The following TNRC6C variants were observed in gnomAD, a reference collection of about 807,000 sequenced individuals.
TNRC6C encodes the protein trinucleotide repeat containing adaptor 6C.
TNRC6C carries 20 observed loss-of-function variants against 153.7 expected under a neutral mutation model. The observed-to-expected ratio is 0.13, with a 90% CI of 0.09 to 0.19. The LOEUF (loss-of-function observed/expected upper bound fraction) is 0.19. Ranked by LOEUF, TNRC6C falls within the 10% of genes least tolerant of loss-of-function variation. The pLI is 1.00. For synonymous variants in TNRC6C, 811 were observed against 841.4 expected, an observed-to-expected ratio of 0.96 and a Z score of 0.63; for missense variants, 1,987 against 2,172.0, an observed-to-expected ratio of 0.91 and a Z score of 1.69.
At chr17:78,062,717 G>A (rs950263779) in intron 3 of TNRC6C, among the ~76,000 whole-genome samples, 1 of 152,126 alleles carries the variant, frequency 6.6e-6, no homozygotes, top group African/African-American at 2.4e-5. Context: ...AAGTGTGAAG[G>A]GCGTGGGGAA....
At chr17:77,995,171 G>A (rs1158785945) in intron 1 of TNRC6C, among the ~76,000 whole-genome samples, 4 of 152,224 alleles carry the variant, frequency 2.6e-5, no homozygotes, top group East Asian at 1.9e-4. Flanking sequence ...AGCCTGAGGT[G>A]GAACATCCAG....
chr17:78,034,870 G>A (rs2072148771), intron 2 of TNRC6C, among the ~76,000 whole-genome samples: 1 of 152,192 alleles, frequency 6.6e-6, no homozygotes. Context: ...TCAAGAGGCT[G>A]AGGTGGGACA....
intron 1 of TNRC6C, among the ~76,000 whole-genome samples, chr17:77,975,780 T>A (rs2070989499): frequency 6.6e-6 from 1 of 152,218 alleles, no homozygotes; most frequent in African/African-American, 2.4e-5. Context: ...TATACTTTTA[T>A]CATTACTTTA....
chr17:78,022,294 T>C (rs914197982), intron 1 of TNRC6C, among the ~76,000 whole-genome samples: 6 of 152,220 alleles, frequency 3.9e-5, no homozygotes. Context: ...TAAGATTGAC[T>C]ACACATAATG....
intron 1 of TNRC6C, among the ~76,000 whole-genome samples, chr17:77,970,729 A>G (rs1229144816): frequency 1.3e-5 from 2 of 152,164 alleles, no homozygotes; most frequent in Non-Finnish European, 2.9e-5. Context: ...GTGTGGCCCA[A>G]GACAATTCTT....
chr17:78,035,896 AAGTAATACATAG>A (rs1355206644), intron 2 of TNRC6C, among the ~76,000 whole-genome samples: 1 of 152,198 alleles, frequency 6.6e-6, no homozygotes, highest in Non-Finnish European at 1.5e-5. Context: ...ACTTTCTTAA[AAGTAATACATAG>A]ATTTTCATTG....
chr17:77,989,266 TC>T (rs1233018766), intron 1 of TNRC6C, among the ~76,000 whole-genome samples: 1 of 152,216 alleles, frequency 6.6e-6, no homozygotes, highest in Admixed American at 6.5e-5. Context: ...TGGACCTACT[TC>T]CATGCAAGTA....
intron 1 of TNRC6C, among the ~76,000 whole-genome samples, chr17:78,021,981 C>G (rs758461440): frequency 1.3e-5 from 2 of 152,186 alleles, no homozygotes; most frequent in Non-Finnish European, 2.9e-5. Context: ...TCTAATATTA[C>G]AAGTAGTTGG....
intron 1 of TNRC6C, among the ~76,000 whole-genome samples, chr17:78,014,347 A>G (rs778075464): frequency 6.6e-5 from 10 of 152,300 alleles, no homozygotes; most frequent in Admixed American, 2.0e-4. Context: ...GTTATGATCA[A>G]TGTTACATAT....
Position 78,087,075 on chromosome 17 carries a change from T to C in TNRC6C, c.3784T>C (p.Phe1262Leu), listed in dbSNP as rs748049870. 1 of 1,612,748 alleles carries C rather than the reference T, an allele frequency of 6.2e-7. No individual in the cohort carries two copies. Among genetic ancestry groups the C allele is most frequent in the Non-Finnish European group, 8.5e-7 (1 of 1,179,678 alleles). Residue 1262 changes from phenylalanine (F) to leucine (L), a missense_variant, in exon 13 of 20, where the codon TTT becomes CTT. Phe to Leu is a conservative substitution (Grantham distance 22). Transcript: ENST00000301624. Reference sequence around the variant, plus strand: ...AGAGCAGCAGTCTTCACCCAACACCTTTGCTCCTTACCCTCTCGGTGAGTG... The same window carrying C: ...AGAGCAGCAGTCTTCACCCAACACCCTTGCTCCTTACCCTCTCGGTGAGTG...
chr17:77,982,665 C>T (rs867759115), intron 1 of TNRC6C, among the ~76,000 whole-genome samples: 1 of 152,136 alleles, frequency 6.6e-6, no homozygotes, highest in Non-Finnish European at 1.5e-5. Context: ...AACCCCATCT[C>T]TACTAAAAAT....
chr17:78,041,189 T>G (rs2143854334), intron 2 of TNRC6C: 2 of 152,348 alleles, frequency 1.3e-5, no homozygotes, highest in South Asian at 4.1e-4. Flanking sequence ...AGTGGCTGCT[T>G]CTCGCCAGTC....
chr17:78,031,954 C>T, intron 2 of TNRC6C, 112 bp downstream of exon 4: 1 of 841,794 alleles, frequency 1.2e-6, no homozygotes, highest in Non-Finnish European at 1.6e-6. Context: ...ACAACATACA[C>T]AGAGACAGAC....
intron 1 of TNRC6C, among the ~76,000 whole-genome samples, chr17:77,986,552 A>G (rs2071172504): frequency 6.6e-6 from 1 of 152,230 alleles, no homozygotes; most frequent in Non-Finnish European, 1.5e-5. Context: ...CTAATTTTTA[A>G]AAAATGTATT....
chr17:78,105,641 G>T (rs2073680626), exon 20 of TNRC6C: 1 of 152,194 alleles, frequency 6.6e-6, no homozygotes, highest in Non-Finnish European at 1.5e-5. Flanking sequence ...AGAAGTGTGT[G>T]TGTGTGTGCA....
rs371862549 is a variant in TNRC6C, at chr17:78,049,475, G to A, written c.413G>A (p.Gly138Asp). The change falls in exon 3 of 20, where the codon GGC (glycine) becomes GAC (aspartate). Residue 138 changes from glycine to aspartate, a missense_variant. By Grantham distance (94) the Gly-to-Asp change is moderately conservative. Transcript: ENST00000301624. The surrounding 1 kb of genome is among the most constrained non-coding windows in gnomAD (Gnocchi z 4.1). The stretch of plus-strand genomic sequence containing the variant: ...GTCAGTGCCATAGGTCAAAATATGG[G>A]CAACCAGAACGGGAACCCAACAGGC... The A allele has an allele frequency of 4.3e-5, 69 of 1,614,022 alleles. No individual in the cohort carries two copies. The African/African-American group carries it at 4.7e-4, about 11-fold the overall frequency.
At chr17:78,063,099 A>C (rs2072801007) in intron 3 of TNRC6C, among the ~76,000 whole-genome samples, 1 of 151,964 alleles carries the variant, frequency 6.6e-6, no homozygotes. Flanking sequence ...TTCAAAAATT[A>C]GCCGAGCATG....
chr17:78,055,559 G>C (rs573576551), intron 3 of TNRC6C, among the ~76,000 whole-genome samples: 2 of 152,248 alleles, frequency 1.3e-5, no homozygotes, highest in African/African-American at 4.8e-5. Flanking sequence ...TATAATCTTA[G>C]GGGACCATTG....
intron 3 of TNRC6C, among the ~76,000 whole-genome samples, chr17:78,053,608 G>A (rs550170129): frequency 2.7e-5 from 4 of 150,472 alleles, no homozygotes; most frequent in South Asian, 2.1e-4. Flanking sequence ...CAGCCTGGGC[G>A]ACAGAGCGAA....
Sources: allele counts gnomAD v4.1 joint callset (sites outside exome capture counted in the v4.1 genomes callset), GRCh38; gene constraint gnomAD v4.1.1; non-coding constraint Gnocchi (gnomAD v3.1); transcripts MANE v1.5; gene names NCBI Gene and HGNC (gene_info 2026-07-23, HGNC 2026-07-21).